The following ZFPM1 variants were observed in gnomAD, a reference collection of about 807,000 sequenced individuals.
ZFPM1 encodes zinc finger protein ZFPM1.
A neutral mutation model predicts 46.3 loss-of-function variants in ZFPM1; 28 were observed. The ratio of observed to expected loss-of-function variants is 0.60; its 90% CI spans 0.45 to 0.83. The LOEUF (loss-of-function observed/expected upper bound fraction) is 0.83, where lower values mean the gene tolerates loss of function less well. ZFPM1 is among the 40% of genes least tolerant of loss of function. The pLI is 0.00. For synonymous variants in ZFPM1, 957 were observed against 675.9 expected (o/e 1.42, Z -6.45); for missense variants, 1,878 against 1,432.4 (o/e 1.31, Z -5.02).
rs185734517 is a variant in ZFPM1, at chr16:88,503,451, T to A, written c.269-10936T>A. On this transcript the variant is annotated intron_variant, in intron 3 of 9. Transcript: ENST00000319555. ...CACGGTTCCGGAGTGGAGGGATCTG[T>A]GTCTGGGGGGCCCACGGTTCCTGAG... Among the ~76,000 whole-genome samples the A allele has an allele frequency of 1.9e-3, 242 of 130,742 alleles. 2 individuals are homozygous for A. Among genetic ancestry groups the A allele is most frequent in the African/African-American group, 7.4e-3 (229 of 31,132 alleles). The allele number at this position is 130,742 out of a possible 152,430, so 85.8% of individuals were successfully genotyped here.
Position 88,453,665 on chromosome 16 carries a change from C to T in ZFPM1, c.27C>T (p.Pro9=), listed in dbSNP as rs776466388. ...TGTCCAGGCGGAAACAGAGCAACCC[C>T]CGGCAGATCAAGCGTGAGTCAAACT... is the stretch of plus-strand genomic sequence containing the variant. The part of the protein sequence containing the change: MSRRKQSN[P]RQIKRSLGDM... Residue 9 remains proline (P), a synonymous_variant, in exon 1 of 10, where the codon CCC becomes CCT. Coordinates refer to ENST00000319555, the MANE Select transcript of ZFPM1 (RefSeq NM_153813.3). The T allele has an allele frequency of 8.3e-7, 1 of 1,201,050 alleles. No individual in the cohort carries two copies. Among genetic ancestry groups the T allele is most frequent in the Admixed American group, 3.0e-5 (1 of 33,878 alleles). 74.4% of individuals were successfully genotyped at this position (1,201,050 alleles called of 1,614,324 possible). A position where few individuals can be genotyped will look rare whatever the true frequency, so the allele number is the denominator to read the frequency against.
chr16:88,489,761 C>CTG (rs1909453200), intron 3 of ZFPM1, among the ~76,000 whole-genome samples: 1 of 152,248 alleles, frequency 6.6e-6, no homozygotes, highest in African/African-American at 2.4e-5. Flanking sequence ...CGTGTTCTCC[C>CTG]TGTGGCCCCT....
intron 4 of ZFPM1, among the ~76,000 whole-genome samples, chr16:88,520,547 A>AGGATGGATGGGTGGATGGACGGATGGGG (rs1911759310): frequency 5.6e-5 from 6 of 107,818 alleles, no homozygotes; most frequent in African/African-American, 2.5e-4. Flanking sequence ...GGTGGCTGAA[A>AGGATGGATGGGTGGATGGACGGATGGGG]GGATGGATGG....
intron 4 of ZFPM1, among the ~76,000 whole-genome samples, chr16:88,517,720 GGATA>G (rs1911436315): frequency 6.8e-6 from 1 of 147,974 alleles, no homozygotes; most frequent in African/African-American, 2.5e-5. Context: ...GTGGGTGGGT[GGATA>G]GATGGATGGA....
At chr16:88,462,008 C>T (rs994322727) in intron 1 of ZFPM1, among the ~76,000 whole-genome samples, 5 of 152,254 alleles carry the variant, frequency 3.3e-5, no homozygotes, top group East Asian at 1.9e-4. Context: ...CCTACTGCAT[C>T]GGCCGGCGGC....
intron 3 of ZFPM1, among the ~76,000 whole-genome samples, chr16:88,500,119 C>T (rs1212134713): frequency 6.6e-6 from 1 of 152,176 alleles, no homozygotes; most frequent in Admixed American, 6.5e-5. Context: ...ACCCGGCTTC[C>T]TGCCCCGGCC....
At position 88,469,181 on chromosome 16, in the gene ZFPM1, A is replaced by C. The variant is rs1597232049; in HGVS notation, c.40+15503A>C. 6.6e-6 allele frequency: 1 copy of C among 152,408 alleles called. No individual in the cohort carries two copies. The highest frequency in any genetic ancestry group is 2.4e-5 in the African/African-American group (1 of 41,214). 9.4% of individuals were successfully genotyped at this position (152,408 alleles called of 1,614,324 possible). A position where few individuals can be genotyped will look rare whatever the true frequency, so the allele number is the denominator to read the frequency against. The stretch of plus-strand genomic sequence containing the variant: ...CAGACCCTCCTGCAGGCTGCCCCCC[A>C]CCGCTCCACCCTCTCCCCGCGCTGA... On this transcript the variant is annotated intron_variant, in intron 1 of 9. Transcript: ENST00000319555. This position sits in a 1 kb window ranked among gnomAD's most constrained non-coding sequence, Gnocchi z 4.3.
rs2142496059 is a variant in ZFPM1, at chr16:88,533,444, G to A, written c.1486G>A (p.Ala496Thr). 3 of 1,446,018 alleles carry A rather than the reference G, an allele frequency of 2.1e-6. No individual in the cohort carries two copies. The highest frequency in any genetic ancestry group is 2.9e-5 in the East Asian group (1 of 34,334). 89.6% of individuals were successfully genotyped at this position (1,446,018 alleles called of 1,614,324 possible). A position where few individuals can be genotyped will look rare whatever the true frequency, so the allele number is the denominator to read the frequency against. ...PSRTPSPRSP[A>T]PARVKAELSS... ...GCGGACGCCGTCGCCGCGCAGCCCCGCCCCGGCCAGGGTCAAGGCCGAGCT... is the reference window on the plus strand; with the variant it reads ...GCGGACGCCGTCGCCGCGCAGCCCCACCCCGGCCAGGGTCAAGGCCGAGCT... The change falls in exon 10 of 10, where the codon GCC becomes ACC. Residue 496 changes from alanine to threonine, a missense_variant. Coordinates refer to ENST00000319555, the MANE Select transcript of ZFPM1 (RefSeq NM_153813.3).
chr16:88,511,218 A>C (rs1910942594), intron 3 of ZFPM1, among the ~76,000 whole-genome samples: 1 of 152,042 alleles, frequency 6.6e-6, no homozygotes, highest in African/African-American at 2.4e-5. Context: ...GTTTTCTGGG[A>C]GCCCCAAGGC....
rs1908910301 is a variant in ZFPM1 at position 88,480,992 on chromosome 16, T to C, written c.41-4947T>C. Reference sequence around the variant, plus strand: ...ACAGAGCCAGCTCCATAATTCAGTTTTAAAGCATGAAAAAAGGGAGTTGAT... The same window carrying C: ...ACAGAGCCAGCTCCATAATTCAGTTCTAAAGCATGAAAAAAGGGAGTTGAT... On this transcript the variant is annotated intron_variant, in intron 1 of 9. Coordinates refer to ENST00000319555, the MANE Select transcript of ZFPM1 (RefSeq NM_153813.3). This position sits in a 1 kb window ranked among gnomAD's most constrained non-coding sequence, Gnocchi z 4.9. Among the ~76,000 whole-genome samples the C allele has an allele frequency of 6.6e-6, 1 of 152,226 alleles. No individual in the cohort carries two copies. Among genetic ancestry groups the C allele is most frequent in the Admixed American group, 6.5e-5 (1 of 15,280 alleles).
chr16:88,507,347 G>A (rs756622354), intron 3 of ZFPM1, among the ~76,000 whole-genome samples: 1 of 152,214 alleles, frequency 6.6e-6, no homozygotes, highest in Non-Finnish European at 1.5e-5. Context: ...GGAAGCTGAG[G>A]TCTGCCCAGA....
At chr16:88,493,674 G>C (rs62048974) in intron 3 of ZFPM1, among the ~76,000 whole-genome samples, 5 of 149,850 alleles carry the variant, frequency 3.3e-5, no homozygotes, top group African/African-American at 1.2e-4. Flanking sequence ...GAGCTGTCCC[G>C]GGTTGCGGAG....
intron 4 of ZFPM1, among the ~76,000 whole-genome samples, chr16:88,526,112 G>T (rs1445715925): frequency 6.6e-6 from 1 of 152,212 alleles, no homozygotes; most frequent in African/African-American, 2.4e-5. Flanking sequence ...CCCACAGGAA[G>T]GGGCCTGACC....
Position 88,502,580 on chromosome 16 carries a change from C to T in ZFPM1, c.269-11807C>T, listed in dbSNP as rs73259781. 3.8e-3 allele frequency among the ~76,000 whole-genome samples: 582 copies of T among 152,336 alleles called. 3 individuals carry two copies. The highest frequency in any genetic ancestry group is 0.013 in the African/African-American group (557 of 41,578). On this transcript the variant is annotated intron_variant, in intron 3 of 9. Coordinates refer to ENST00000319555, the MANE Select transcript of ZFPM1 (RefSeq NM_153813.3). ...CTCCCAGAGCCCCACTGTCCCTTCC[C>T]GTCCAGTGCTGCTGGAGGCAGTGGC... is the stretch of plus-strand genomic sequence containing the variant.
intron 6 of ZFPM1, among the ~76,000 whole-genome samples, chr16:88,529,080 G>A (rs1912574076): frequency 1.3e-5 from 2 of 152,264 alleles, no homozygotes; most frequent in Non-Finnish European, 2.9e-5. Context: ...AGGAGTTCAA[G>A]GCCAGACTGG....
Position 88,514,427 on chromosome 16 carries a change from A to G in ZFPM1, c.309A>G (p.Ile103Met). ...TGGTGCAGGATGGGCAGAGGCGCAT[A>G]CGGGCCCGACTCAGCCTCGCCACGG... ...EPVVQDGQRR[I>M]RARLSLATGL... The change falls in exon 4 of 10, where the codon ATA becomes ATG. Residue 103 changes from isoleucine to methionine, a missense_variant. By Grantham distance (10) the Ile-to-Met change is conservative. Coordinates refer to ENST00000319555, the MANE Select transcript of ZFPM1 (RefSeq NM_153813.3). 1 of 1,559,738 alleles carries G rather than the reference A, an allele frequency of 6.4e-7. No homozygotes were observed. The highest frequency in any genetic ancestry group is 8.7e-7 in the Non-Finnish European group (1 of 1,152,320).
At chr16:88,462,434 C>T (rs1295019663) in intron 1 of ZFPM1, among the ~76,000 whole-genome samples, 2 of 152,226 alleles carry the variant, frequency 1.3e-5, no homozygotes, top group Non-Finnish European at 2.9e-5. Context: ...GTGAGAAAAT[C>T]GGGGGTCAGA....
chr16:88,501,731 G>A lies in ZFPM1; in HGVS notation c.268+12578G>A, dbSNP rs1034520521. On this transcript the variant is annotated intron_variant, in intron 3 of 9. Transcript: ENST00000319555. ...GTGCTCTTGATGATGGAGGTAACGGGTGTGGGTGCCGGGCCCTCCCGCTGG... is the reference window on the plus strand; with the variant it reads ...GTGCTCTTGATGATGGAGGTAACGGATGTGGGTGCCGGGCCCTCCCGCTGG... Among the ~76,000 whole-genome samples the A allele has an allele frequency of 1.2e-4, 17 of 141,420 alleles. 1 individual carries two copies. Among genetic ancestry groups the A allele is most frequent in the African/African-American group, 4.6e-4 (16 of 34,844 alleles). The allele number at this position is 141,420 out of a possible 152,430, so 92.8% of individuals were successfully genotyped here.
At position 88,533,660 on chromosome 16, in the gene ZFPM1, G is replaced by A. The variant is rs756982361; in HGVS notation, c.1702G>A (p.Gly568Arg). ...CGCGGGCGCCGGCGGCGCGCAGACC[G>A]GGCTCTTCCCCGGGGCCCCCAAGGG... ...AGAGAGGAQTGLFPGAPKGAT... is the reference protein window; with the variant it reads ...AGAGAGGAQTRLFPGAPKGAT... The change falls in exon 10 of 10, where the codon GGG (glycine) becomes AGG (arginine). Residue 568 changes from glycine (G) to arginine (R), a missense_variant. Physicochemically the swap from Gly to Arg is moderately radical, Grantham distance 125. Coordinates refer to ENST00000319555, the MANE Select transcript of ZFPM1 (RefSeq NM_153813.3). 2.6e-5 allele frequency: 39 copies of A among 1,478,614 alleles called. No individual in the cohort carries two copies. The highest frequency in any genetic ancestry group is 1.9e-4 in the Middle Eastern group (1 of 5,208). 91.6% of individuals were successfully genotyped at this position (1,478,614 alleles called of 1,614,324 possible). A position where few individuals can be genotyped will look rare whatever the true frequency, so the allele number is the denominator to read the frequency against.
Sources: allele counts gnomAD v4.1 joint callset (sites outside exome capture counted in the v4.1 genomes callset), GRCh38; gene constraint gnomAD v4.1.1; non-coding constraint Gnocchi (gnomAD v3.1); transcripts MANE v1.5; gene names NCBI Gene and HGNC (gene_info 2026-07-23, HGNC 2026-07-21).